MAPKAP1: variants seen among roughly 807,000 people sequenced by gnomAD.
The protein encoded by MAPKAP1 is target of rapamycin complex 2 subunit MAPKAP1.
In MAPKAP1, 20 loss-of-function variants were observed where a neutral mutation model predicts 65.7. That is an observed-to-expected ratio of 0.30 (90% CI 0.21 to 0.44). MAPKAP1 has a LOEUF of 0.44. Ranked by LOEUF, MAPKAP1 falls within the 20% of genes least tolerant of loss-of-function variation. MAPKAP1 has a pLI of 1.00. For synonymous variants in MAPKAP1, 222 were observed against 244.3 expected (o/e 0.91, Z 0.85); for missense variants, 423 against 648.0 (o/e 0.65, Z 3.77).
At chr9:125,597,114 A>C (rs1832154951) in intron 4 of MAPKAP1, among the ~76,000 whole-genome samples, 1 of 151,726 alleles carries the variant, frequency 6.6e-6, no homozygotes, top group Non-Finnish European at 1.5e-5. Context: ...AAATACAAAA[A>C]ATTAGCCGGG....
chr9:125,629,896 G>A (rs1833228425), intron 4 of MAPKAP1, among the ~76,000 whole-genome samples: 1 of 152,174 alleles, frequency 6.6e-6, no homozygotes, highest in Non-Finnish European at 1.5e-5. Context: ...TGTCCTTGGA[G>A]TATAATAAAT....
chr9:125,463,903 C>T (rs1259354487), intron 10 of MAPKAP1, among the ~76,000 whole-genome samples: 1 of 152,092 alleles, frequency 6.6e-6, no homozygotes, highest in African/African-American at 2.4e-5. Context: ...GACTCTAAAC[C>T]TGCACAACCT....
At position 125,443,904 on chromosome 9, in the gene MAPKAP1, T is replaced by C. The variant is rs1010440868; in HGVS notation, c.1443+597A>G. 1.1e-4 allele frequency among the ~76,000 whole-genome samples: 17 copies of C among 152,046 alleles called. 1 individual carries two copies. Among genetic ancestry groups the C allele is most frequent in the Non-Finnish European group, 2.9e-5 (2 of 68,008 alleles). ...ACACCCACACCTTTGAGACTAACGA[T>C]CTCTTTGTAATTTTGTGTTTTATGC... On this transcript the variant is annotated intron_variant, in intron 11 of 11. Transcript: ENST00000265960.
rs191575864 is a variant in MAPKAP1, at chr9:125,537,187, G to T, written c.958+5872C>A. ...CACCATTTACTTACTAAGGAAACTT[G>T]GGTACATTTAACCTCTTAGAGCTGA... On this transcript the variant is annotated intron_variant, in intron 7 of 11. Coordinates refer to ENST00000265960, the MANE Select transcript of MAPKAP1 (RefSeq NM_001006617.3). Among the ~76,000 whole-genome samples the T allele has an allele frequency of 1.5e-3, 231 of 152,296 alleles. 1 individual carries two copies. Among genetic ancestry groups the T allele is most frequent in the Middle Eastern group, 0.01 (3 of 294 alleles).
chr9:125,628,888 GAAC>G (rs1564591458), intron 4 of MAPKAP1, among the ~76,000 whole-genome samples: 2 of 120,896 alleles, frequency 1.7e-5, no homozygotes, highest in African/African-American at 5.3e-5. Context: ...ACAACAACAA[GAAC>G]AACAACAACA....
At chr9:125,683,405 C>G (rs899074458) in intron 1 of MAPKAP1, among the ~76,000 whole-genome samples, 6 of 152,166 alleles carry the variant, frequency 3.9e-5, no homozygotes, top group Non-Finnish European at 8.8e-5. Context: ...TCTTAGCCAC[C>G]TGAAGAGAGC....
At chr9:125,454,217 G>A (rs1409929907) in intron 10 of MAPKAP1, among the ~76,000 whole-genome samples, 1 of 152,246 alleles carries the variant, frequency 6.6e-6, no homozygotes, top group Non-Finnish European at 1.5e-5. Context: ...CAATTCATGT[G>A]TAAGTTGTTC....
At chr9:125,461,633 C>T (rs1465900327) in intron 10 of MAPKAP1, among the ~76,000 whole-genome samples, 1 of 152,180 alleles carries the variant, frequency 6.6e-6, no homozygotes, top group Admixed American at 6.5e-5. Flanking sequence ...CCTGATTGTG[C>T]TCCAGAGTAC....
intron 1 of MAPKAP1, among the ~76,000 whole-genome samples, chr9:125,696,999 A>G (rs1835406309): frequency 6.6e-6 from 1 of 152,222 alleles, no homozygotes. Context: ...CTGAAAGTAA[A>G]GACGGAGCTG....
chr9:125,671,039 T>C (rs1317579008), intron 2 of MAPKAP1, among the ~76,000 whole-genome samples: 1 of 152,146 alleles, frequency 6.6e-6, no homozygotes, highest in Non-Finnish European at 1.5e-5. Flanking sequence ...TCAATTGCAA[T>C]TAATAAATGT....
intron 7 of MAPKAP1, among the ~76,000 whole-genome samples, chr9:125,517,826 G>A (rs963881131): frequency 6.6e-6 from 1 of 152,188 alleles, no homozygotes; most frequent in Non-Finnish European, 1.5e-5. Context: ...AGAATTAAGA[G>A]CTCTTTCATC....
chr9:125,472,972 T>G (rs2133004145), intron 9 of MAPKAP1, among the ~76,000 whole-genome samples: 2 of 152,348 alleles, frequency 1.3e-5, no homozygotes, highest in South Asian at 4.1e-4. Context: ...TCAGTATCCT[T>G]TCTCGACTGT....
At chr9:125,509,982 G>GA (rs1452504666) in intron 7 of MAPKAP1, among the ~76,000 whole-genome samples, 1 of 152,158 alleles carries the variant, frequency 6.6e-6, no homozygotes, top group Non-Finnish European at 1.5e-5. Context: ...TTAGTTTTCT[G>GA]AAAGTAGCTT....
At chr9:125,668,578 G>A (rs868228700) in intron 3 of MAPKAP1, among the ~76,000 whole-genome samples, 1 of 152,162 alleles carries the variant, frequency 6.6e-6, no homozygotes, top group South Asian at 2.1e-4. Flanking sequence ...AAAAGAGAAA[G>A]TCTAGGAAAC....
chr9:125,515,389 G>A (rs184001863), intron 7 of MAPKAP1, among the ~76,000 whole-genome samples: 1 of 152,300 alleles, frequency 6.6e-6, no homozygotes, highest in East Asian at 1.9e-4. Flanking sequence ...TTGCTACAAA[G>A]TGCTGTTATC....
chr9:125,575,320 C>A (rs1018177215), intron 5 of MAPKAP1, among the ~76,000 whole-genome samples: 13 of 152,142 alleles, frequency 8.5e-5, no homozygotes, highest in Non-Finnish European at 1.6e-4. Flanking sequence ...TGTAATTGCA[C>A]AACCGCACTC....
At chr9:125,523,969 C>A (rs1829692210) in intron 7 of MAPKAP1, among the ~76,000 whole-genome samples, 2 of 152,248 alleles carry the variant, frequency 1.3e-5, no homozygotes, top group Admixed American at 1.3e-4. Flanking sequence ...CCCCATCTTC[C>A]TTCTAATAAC....
intron 1 of MAPKAP1, among the ~76,000 whole-genome samples, chr9:125,690,927 T>C (rs1386405212): frequency 6.6e-6 from 1 of 152,196 alleles, no homozygotes; most frequent in Non-Finnish European, 1.5e-5. Flanking sequence ...GAAAGATGGT[T>C]GCACGAATTC....
intron 7 of MAPKAP1, among the ~76,000 whole-genome samples, chr9:125,506,829 T>C (rs1428588276): frequency 1.3e-5 from 2 of 152,204 alleles, no homozygotes; most frequent in Non-Finnish European, 2.9e-5. Flanking sequence ...TGTACCTGCC[T>C]CACAGGAGGC....
Sources: gnomAD v4.1 joint callset for allele counts (sites outside exome capture counted in the v4.1 genomes callset) on GRCh38, gnomAD v4.1.1 for gene constraint, MANE v1.5 for transcripts, NCBI Gene and HGNC (gene_info 2026-07-23, HGNC 2026-07-21) for gene names.